THSD4: variants seen among roughly 807,000 people sequenced by gnomAD.
THSD4 encodes the protein thrombospondin type-1 domain-containing protein 4.
In THSD4, 69 loss-of-function variants were observed where a neutral mutation model predicts 119.0. That is an observed-to-expected ratio of 0.58 (90% CI 0.48 to 0.71). The LOEUF is 0.71. THSD4 is among the 30% of genes least tolerant of loss of function. The pLI is 0.00. For synonymous variants in THSD4, 524 were observed against 540.4 expected (o/e 0.97, Z 0.42); for missense variants, 1,393 against 1,391.1 (o/e 1.00, Z -0.02).
chr15:71,741,243 C>T (rs2053228257), intron 11 of THSD4, among the ~76,000 whole-genome samples: 1 of 152,136 alleles, frequency 6.6e-6, no homozygotes, highest in Non-Finnish European at 1.5e-5. Context: ...GTAATCGAAG[C>T]ATTTTGGGAG....
chr15:71,188,135 G>A (rs1018294399), intron 3 of THSD4, among the ~76,000 whole-genome samples: 4 of 152,104 alleles, frequency 2.6e-5, no homozygotes, highest in Non-Finnish European at 5.9e-5. Flanking sequence ...AGGTAAATAC[G>A]GTAATTTCAA....
intron 3 of THSD4, among the ~76,000 whole-genome samples, chr15:71,162,185 G>T (rs1425182892): frequency 6.6e-6 from 1 of 151,914 alleles, no homozygotes; most frequent in Admixed American, 6.5e-5. Flanking sequence ...CAGCACTAGG[G>T]TATTCAGAGT....
At chr15:71,314,328 G>A (rs2045156049) in intron 6 of THSD4, among the ~76,000 whole-genome samples, 1 of 151,546 alleles carries the variant, frequency 6.6e-6, no homozygotes, top group African/African-American at 2.4e-5. Context: ...AATTATTGGC[G>A]GCGGAGTCTC....
chr15:71,656,226 A>G (rs1260814160), intron 7 of THSD4, among the ~76,000 whole-genome samples: 1 of 152,224 alleles, frequency 6.6e-6, no homozygotes, highest in Non-Finnish European at 1.5e-5. Flanking sequence ...TCTTAAGTTA[A>G]TAGTAGTATA....
chr15:71,368,634 A>G (rs2046000743), intron 6 of THSD4, among the ~76,000 whole-genome samples: 1 of 152,090 alleles, frequency 6.6e-6, no homozygotes, highest in South Asian at 2.1e-4. Flanking sequence ...GTTCTGTTCC[A>G]TTGGTCTATA....
At chr15:71,276,559 G>T (rs927436797) in intron 6 of THSD4, among the ~76,000 whole-genome samples, 1 of 152,176 alleles carries the variant, frequency 6.6e-6, no homozygotes, top group African/African-American at 2.4e-5. Context: ...GGCTACATCT[G>T]TGCTGCCTCT....
intron 1 of THSD4, among the ~76,000 whole-genome samples, chr15:71,130,530 A>G (rs992919796): frequency 7.9e-5 from 12 of 151,992 alleles, no homozygotes; most frequent in African/African-American, 2.9e-4. Flanking sequence ...CATGACTCCA[A>G]CAATTAGGTG....
intron 7 of THSD4, among the ~76,000 whole-genome samples, chr15:71,618,588 T>C (rs2050363167): frequency 6.6e-6 from 1 of 152,180 alleles, no homozygotes; most frequent in Admixed American, 6.5e-5. Context: ...TATTTTATTA[T>C]TAAGAGACAG....
intron 4 of THSD4, among the ~76,000 whole-genome samples, chr15:71,223,496 A>C (rs971087642): frequency 1.3e-5 from 2 of 152,364 alleles, no homozygotes; most frequent in East Asian, 3.9e-4. Flanking sequence ...TTGGCCCTGC[A>C]AAGTCTTCAT....
At position 71,671,049 on chromosome 15, in the gene THSD4, G is replaced by A. The variant is rs191568200; in HGVS notation, c.1357+10315G>A. On this transcript the variant is annotated intron_variant, in intron 8 of 17. Coordinates refer to ENST00000261862, the MANE Select transcript of THSD4 (RefSeq NM_024817.3). The stretch of plus-strand genomic sequence containing the variant: ...AATGGCTGGGTCTCTAGATCCTTGA[G>A]GAATTGCCACACTGTCTTCCACAAT... 2.5e-3 allele frequency among the ~76,000 whole-genome samples: 382 copies of A among 152,160 alleles called. 2 individuals carry two copies. Among genetic ancestry groups the A allele is most frequent in the African/African-American group, 8.6e-3 (355 of 41,520 alleles).
At chr15:71,511,115 A>G (rs2048277035) in intron 7 of THSD4, among the ~76,000 whole-genome samples, 1 of 152,168 alleles carries the variant, frequency 6.6e-6, no homozygotes, top group Non-Finnish European at 1.5e-5. Context: ...TTCTGTCTTC[A>G]GCAGAGCCAA....
rs143212264 is a variant in THSD4, at chr15:71,165,461, C to T, written c.99+10529C>T. The T allele has an allele frequency of 2.2e-3, 2,923 of 1,351,318 alleles. 49 individuals carry two copies. The African/African-American group carries it at 0.036, about 17-fold the overall frequency. The allele number at this position is 1,351,318 out of a possible 1,614,324, so 83.7% of individuals were successfully genotyped here. On this transcript the variant is annotated intron_variant, in intron 3 of 17. Transcript: ENST00000261862. ...GCGAGGCACAGAGTCGCCCAGTGCC[C>T]GTCCGGCTCTCACTTGCCCTGGCGC...
intron 8 of THSD4, among the ~76,000 whole-genome samples, chr15:71,674,180 G>A (rs1308384720): frequency 6.6e-6 from 1 of 152,166 alleles, no homozygotes. Context: ...GCCCTAGGCT[G>A]CATCCAGTGG....
At chr15:71,232,038 A>G (rs991233979) in intron 4 of THSD4, among the ~76,000 whole-genome samples, 1 of 151,692 alleles carries the variant, frequency 6.6e-6, no homozygotes, top group African/African-American at 2.4e-5. Flanking sequence ...GAGGCTGCAC[A>G]CTCCCTTCCT....
At chr15:71,718,169 T>C (rs2052645631) in intron 8 of THSD4, among the ~76,000 whole-genome samples, 1 of 149,448 alleles carries the variant, frequency 6.7e-6, no homozygotes, top group Admixed American at 6.7e-5. Flanking sequence ...AAAAAAAGAT[T>C]GCAAAAACTG....
chr15:71,707,935 G>T (rs557600879), intron 8 of THSD4, among the ~76,000 whole-genome samples: 7 of 152,328 alleles, frequency 4.6e-5, no homozygotes, highest in Non-Finnish European at 1.0e-4. Context: ...TTGTGCAAGA[G>T]TATATTCTTG....
chr15:71,260,747 T>G (rs2044385057), intron 6 of THSD4, among the ~76,000 whole-genome samples: 1 of 152,122 alleles, frequency 6.6e-6, no homozygotes, highest in Non-Finnish European at 1.5e-5. Flanking sequence ...GCAATCATAC[T>G]GGGAGGGACT....
intron 8 of THSD4, among the ~76,000 whole-genome samples, chr15:71,727,581 T>TACACACAC (rs2052881459): frequency 9.1e-4 from 6 of 6,572 alleles, no homozygotes; most frequent in Admixed American, 3.0e-3. Flanking sequence ...TATATATATA[T>TACACACAC]ATATATACAC....
chr15:71,533,878 C>T (rs1384735721), intron 7 of THSD4, among the ~76,000 whole-genome samples: 1 of 152,066 alleles, frequency 6.6e-6, no homozygotes, highest in Admixed American at 6.6e-5. Flanking sequence ...CTTAGTAATG[C>T]ATATATTTTG....
Sources: allele counts gnomAD v4.1 joint callset (sites outside exome capture counted in the v4.1 genomes callset), GRCh38; gene constraint gnomAD v4.1.1; transcripts MANE v1.5; gene names NCBI Gene and HGNC (gene_info 2026-07-23, HGNC 2026-07-21).